HPSE2: variants seen among roughly 807,000 people sequenced by gnomAD.
HPSE2 encodes the protein inactive heparanase-2.
A neutral mutation model predicts 60.5 loss-of-function variants in HPSE2; 38 were observed. The ratio of observed to expected loss-of-function variants is 0.63; its 90% confidence interval spans 0.48 to 0.82. The LOEUF (loss-of-function observed/expected upper bound fraction) is 0.82, where lower values mean the gene tolerates loss of function less well. Among genes scored for constraint, HPSE2 ranks in the 40% least tolerant of loss-of-function variants. The probability of loss-of-function intolerance (pLI) is 0.00; values close to 1 mark genes in which losing one functional copy is unlikely to be tolerated. For missense variants in HPSE2, 713 were observed against 740.4 expected (o/e 0.96, Z 0.43); for synonymous variants, 295 against 293.2 (o/e 1.01, Z -0.06).
chr10:98,585,386 C>T (rs1264687058), intron 9 of HPSE2, among the ~76,000 whole-genome samples: 1 of 151,656 alleles, frequency 6.6e-6, no homozygotes, highest in African/African-American at 2.4e-5. Flanking sequence ...ATTCTTCTGC[C>T]TCAGCCTCCC....
intron 3 of HPSE2, among the ~76,000 whole-genome samples, chr10:98,929,286 A>G (rs1056134773): frequency 7.0e-6 from 1 of 143,516 alleles, no homozygotes; most frequent in Non-Finnish European, 1.5e-5. Context: ...ATAATCTTCC[A>G]TTTTTCCACT....
the HPSE2 span, among the ~76,000 whole-genome samples, chr10:99,291,582 GAAAAA>G: frequency 8.6e-6 from 1 of 115,836 alleles, no homozygotes; most frequent in Non-Finnish European, 1.8e-5. Flanking sequence ...GACTCCATCT[GAAAAA>G]AAAAAAAAAA....
chr10:98,583,421 T>A (rs1944857513), intron 9 of HPSE2, among the ~76,000 whole-genome samples: 1 of 152,356 alleles, frequency 6.6e-6, no homozygotes, highest in African/African-American at 2.4e-5. Flanking sequence ...TTTTGTCCAA[T>A]TCTTTGTTCA....
At chr10:98,836,763 A>G (rs767012306) in intron 3 of HPSE2, among the ~76,000 whole-genome samples, 1 of 152,210 alleles carries the variant, frequency 6.6e-6, no homozygotes, top group Non-Finnish European at 1.5e-5. Context: ...ACTATGGGCC[A>G]GACACAGTGG....
intron 3 of HPSE2, among the ~76,000 whole-genome samples, chr10:98,929,294 A>G (rs896069478): frequency 4.9e-5 from 7 of 143,804 alleles, no homozygotes; most frequent in East Asian, 2.0e-4. Context: ...CCATTTTTCC[A>G]CTGTTTATAA....
intron 3 of HPSE2, among the ~76,000 whole-genome samples, chr10:98,797,799 A>T (rs1440860593): frequency 2.0e-5 from 3 of 152,042 alleles, no homozygotes; most frequent in Non-Finnish European, 4.4e-5. Flanking sequence ...AGCCGAGATC[A>T]CGCCACTGTA....
At chr10:98,612,521 A>T (rs1308115067) in intron 9 of HPSE2, among the ~76,000 whole-genome samples, 2 of 152,226 alleles carry the variant, frequency 1.3e-5, no homozygotes, top group African/African-American at 2.4e-5. Context: ...CCAAGAGTTC[A>T]GCAACCTTGT....
chr10:98,731,004 G>C (rs1949213391), intron 4 of HPSE2, among the ~76,000 whole-genome samples: 1 of 152,186 alleles, frequency 6.6e-6, no homozygotes, highest in African/African-American at 2.4e-5. Flanking sequence ...ATCACTAGAG[G>C]CTGGGTGCAG....
At chr10:99,042,338 A>G (rs1335941716) in intron 3 of HPSE2, among the ~76,000 whole-genome samples, 3 of 151,792 alleles carry the variant, frequency 2.0e-5, no homozygotes, top group Non-Finnish European at 4.4e-5. Context: ...CTGCCCACCC[A>G]CAGCTGATTA....
At chr10:98,939,169 T>A (rs1474892775) in intron 3 of HPSE2, among the ~76,000 whole-genome samples, 1 of 143,792 alleles carries the variant, frequency 7.0e-6, no homozygotes, top group South Asian at 2.1e-4. Context: ...AGGAAGAAAC[T>A]GCATCAACTA....
In HPSE2 at chr10:98,841,235, C is replaced by T. The variant is rs145334730; in HGVS notation, c.611-97179G>A. 1.2e-4 allele frequency among the ~76,000 whole-genome samples: 19 copies of T among 152,210 alleles called. No individual in the cohort carries two copies. The East Asian group carries it at 1.5e-3, about 12-fold the overall frequency. On this transcript the variant is annotated intron_variant, in intron 3 of 11. Transcript: ENST00000370552. ...ATCACACCACTGCATCCAGCCTGGGCGGCAGAGCAAGAGACGCTGTCTCAA... is the reference window on the plus strand; with the variant it reads ...ATCACACCACTGCATCCAGCCTGGGTGGCAGAGCAAGAGACGCTGTCTCAA...
chr10:99,098,489 G>A (rs1413894404), intron 3 of HPSE2, among the ~76,000 whole-genome samples: 1 of 152,136 alleles, frequency 6.6e-6, no homozygotes, highest in Non-Finnish European at 1.5e-5. Flanking sequence ...GAATTTTACA[G>A]AGCTTAAGTC....
At chr10:99,260,145 T>A in the HPSE2 span, among the ~76,000 whole-genome samples, 1 of 152,120 alleles carries the variant, frequency 6.6e-6, no homozygotes, top group African/African-American at 2.4e-5. Flanking sequence ...AGAAATATTG[T>A]TAAAGTTAAA....
intron 3 of HPSE2, among the ~76,000 whole-genome samples, chr10:99,021,552 T>C (rs1247767193): frequency 6.6e-6 from 1 of 151,658 alleles, no homozygotes; most frequent in Non-Finnish European, 1.5e-5. Flanking sequence ...AAATTAATTA[T>C]GACACAACAG....
chr10:98,489,836 T>A (rs1941576544), intron 10 of HPSE2, among the ~76,000 whole-genome samples: 1 of 152,248 alleles, frequency 6.6e-6, no homozygotes, highest in African/African-American at 2.4e-5. Flanking sequence ...GAACCTTTTA[T>A]GATTAATCCT....
At chr10:98,749,381 T>C (rs879195231) in intron 3 of HPSE2, among the ~76,000 whole-genome samples, 1 of 151,764 alleles carries the variant, frequency 6.6e-6, no homozygotes, top group African/African-American at 2.4e-5. Context: ...TATCTATATA[T>C]ACAGATATAC....
intron 3 of HPSE2, among the ~76,000 whole-genome samples, chr10:98,968,103 A>T (rs1955859934): frequency 6.6e-6 from 1 of 152,208 alleles, no homozygotes; most frequent in African/African-American, 2.4e-5. Context: ...AGAGAAAAAA[A>T]CATGTAAGGA....
In HPSE2 at chr10:99,001,164, T is replaced by C. The variant is rs907547566; in HGVS notation, c.610+143074A>G. ...GGTACATTAGAAAATGATGATGATG[T>C]TGAAGTGTGAAAACCATATTGATAT... On this transcript the variant is annotated intron_variant, in intron 3 of 11. Coordinates refer to ENST00000370552, the MANE Select transcript of HPSE2 (RefSeq NM_021828.5). Among the ~76,000 whole-genome samples the C allele has an allele frequency of 1.3e-5, 2 of 152,120 alleles. 1 individual carries two copies. Among genetic ancestry groups the C allele is most frequent in the East Asian group, 3.8e-4 (2 of 5,202 alleles).
At position 98,939,705 on chromosome 10, in the gene HPSE2, C is replaced by T. The variant is rs530264473; in HGVS notation, c.611-195649G>A. On this transcript the variant is annotated intron_variant, in intron 3 of 11. Coordinates refer to ENST00000370552, the MANE Select transcript of HPSE2 (RefSeq NM_021828.5). The stretch of plus-strand genomic sequence containing the variant: ...GAAAGTTAACAAGGATACCCAGGAA[C>T]TGAACTCAGCTCTGCACCAAGCAGA... 4.4e-4 allele frequency among the ~76,000 whole-genome samples: 63 copies of T among 143,496 alleles called. 3 individuals are homozygous for T. The highest frequency in any genetic ancestry group is 7.6e-4 in the Non-Finnish European group (51 of 67,098). 94.1% of individuals were successfully genotyped at this position (143,496 alleles called of 152,430 possible).
Sources: gnomAD v4.1 joint callset for allele counts (sites outside exome capture counted in the v4.1 genomes callset) on GRCh38, gnomAD v4.1.1 for gene constraint, MANE v1.5 for transcripts, NCBI Gene and HGNC (gene_info 2026-07-23, HGNC 2026-07-21) for gene names.